Variants in NEK10 observed in about 807,000 individuals in gnomAD.
NEK10 encodes NIMA related kinase 10.
NEK10 carries 122 observed loss-of-function variants against 159.8 expected under a neutral mutation model. The observed-to-expected ratio is 0.76, with a 90% CI of 0.66 to 0.89. NEK10 has a LOEUF of 0.89. NEK10 is among the 40% of genes least tolerant of loss of function. The pLI, the probability that NEK10 is intolerant of heterozygous loss-of-function variation, is 0.00. For synonymous variants in NEK10, 466 were observed against 457.1 expected (o/e 1.02, Z -0.25); for missense variants, 1,342 against 1,323.1 (o/e 1.01, Z -0.22).
At chr3:27,188,545 C>G (rs760146068) in intron 26 of NEK10, among the ~76,000 whole-genome samples, 11 of 152,176 alleles carry the variant, frequency 7.2e-5, no homozygotes, top group Non-Finnish European at 1.3e-4. Context: ...AAGAAATCAT[C>G]ATTCAGCCTT....
chr3:27,338,260 C>T lies in NEK10; in HGVS notation c.362+6012G>A, dbSNP rs186772648. Among the ~76,000 whole-genome samples the T allele has an allele frequency of 3.0e-3, 462 of 152,314 alleles. 2 individuals carry two copies. The highest frequency in any genetic ancestry group is 0.011 in the African/African-American group (453 of 41,564). ...GCTTCATCCACGTCCCTGCAAAGGA[C>T]ATGAACTCATCATTTTTATGGCTGC... On this transcript the variant is annotated intron_variant, in intron 5 of 35. Transcript: ENST00000691995.
intron 23 of NEK10, among the ~76,000 whole-genome samples, chr3:27,208,722 C>G (rs1950745803): frequency 6.6e-6 from 1 of 152,146 alleles, no homozygotes. Context: ...GAAGAAATGA[C>G]ATCAATTTGG....
chr3:27,224,031 G>A (rs545442229), intron 23 of NEK10, among the ~76,000 whole-genome samples: 1 of 152,300 alleles, frequency 6.6e-6, no homozygotes, highest in Non-Finnish European at 1.5e-5. Flanking sequence ...TCTTTGCAGA[G>A]GTAATCAAGT....
chr3:27,112,052 G>A (rs1157439239), intron 35 of NEK10, among the ~76,000 whole-genome samples: 1 of 152,152 alleles, frequency 6.6e-6, no homozygotes, highest in Non-Finnish European at 1.5e-5. Context: ...GCCCAGAAAT[G>A]AGAAATACCC....
At chr3:27,316,895 G>C (rs1193768590) in intron 6 of NEK10, among the ~76,000 whole-genome samples, 1 of 152,172 alleles carries the variant, frequency 6.6e-6, no homozygotes, top group East Asian at 1.9e-4. Context: ...CTCTATCTCA[G>C]GACTCTTTGG....
intron 22 of NEK10, among the ~76,000 whole-genome samples, chr3:27,278,272 C>T (rs1226471209): frequency 1.3e-5 from 2 of 152,190 alleles, no homozygotes; most frequent in African/African-American, 2.4e-5. Context: ...TAGCCTTCAT[C>T]ACTCTGTAAC....
At chr3:27,297,649 A>G (rs1319134192) in intron 13 of NEK10, among the ~76,000 whole-genome samples, 1 of 152,222 alleles carries the variant, frequency 6.6e-6, no homozygotes, top group African/African-American at 2.4e-5. Flanking sequence ...AATCCTTATA[A>G]TAAGAGTATG....
At chr3:27,276,018 T>C (rs901732474) in intron 22 of NEK10, among the ~76,000 whole-genome samples, 1 of 152,100 alleles carries the variant, frequency 6.6e-6, no homozygotes, top group African/African-American at 2.4e-5. Context: ...AAGCACTCTT[T>C]CTAGACAATC....
At chr3:27,310,714 T>C in intron 9 of NEK10, 1 of 389,814 alleles carries the variant, frequency 2.6e-6, no homozygotes, top group East Asian at 3.9e-5. Context: ...TGGTATTAAA[T>C]GGCATAGGAA....
At chr3:27,255,237 T>C (rs751216888) in intron 23 of NEK10, 24 of 399,710 alleles carry the variant, frequency 6.0e-5, no homozygotes, top group Non-Finnish European at 1.2e-4. Flanking sequence ...GTAGACATCA[T>C]ATAAGCTTGC....
chr3:27,365,940 G>C (rs1046088301), intron 1 of NEK10, among the ~76,000 whole-genome samples: 1 of 151,988 alleles, frequency 6.6e-6, no homozygotes, highest in Non-Finnish European at 1.5e-5. Context: ...ATATACATGA[G>C]TTTGTTTAAA....
intron 22 of NEK10, among the ~76,000 whole-genome samples, chr3:27,281,557 C>T (rs1018132986): frequency 2.0e-5 from 3 of 151,880 alleles, no homozygotes; most frequent in African/African-American, 7.3e-5. Flanking sequence ...AGAATACATA[C>T]ACCAAGCCAA....
intron 26 of NEK10, among the ~76,000 whole-genome samples, chr3:27,189,328 A>G (rs1249551069): frequency 6.6e-6 from 1 of 152,128 alleles, no homozygotes; most frequent in Non-Finnish European, 1.5e-5. Flanking sequence ...ATACTTCCCC[A>G]TGAAATAGAA....
chr3:27,110,575 G>A lies in NEK10; in HGVS notation c.*697C>T, dbSNP rs1447266420. 1.3e-5 allele frequency: 2 copies of A among 151,950 alleles called. No homozygotes were observed. The highest frequency in any genetic ancestry group is 2.9e-5 in the Non-Finnish European group (2 of 68,020). 9.4% of individuals were successfully genotyped at this position (151,950 alleles called of 1,614,324 possible). A position where few individuals can be genotyped will look rare whatever the true frequency, so the allele number is the denominator to read the frequency against. On this transcript the variant is annotated 3_prime_UTR_variant, in exon 36 of 36. Transcript: ENST00000691995. The stretch of plus-strand genomic sequence containing the variant: ...TCATATATAAACATATACACACACT[G>A]TACAGCAATATATTCTATTAGTCTA...
chr3:27,307,988 G>T, intron 10 of NEK10, 43 bp from the exon 11 acceptor site: 1 of 959,456 alleles, frequency 1.0e-6, no homozygotes, highest in African/African-American at 1.6e-5. Flanking sequence ...AGCATATTTT[G>T]CTAGATCCAT....
intron 32 of NEK10, among the ~76,000 whole-genome samples, chr3:27,128,229 G>A (rs561146800): frequency 6.6e-6 from 1 of 152,156 alleles, no homozygotes. Flanking sequence ...ACAGGCATCA[G>A]AAATGATTGG....
chr3:27,344,279 T>C lies in NEK10; in HGVS notation c.355A>G (p.Ile119Val). The C allele has an allele frequency of 6.5e-7, 1 of 1,545,690 alleles. No individual in the cohort carries two copies. The change falls in exon 5 of 36, where the codon ATA (isoleucine) becomes GTA (valine). Residue 119 changes from isoleucine (I) to valine (V), a missense_variant. Coordinates refer to ENST00000691995, the MANE Select transcript of NEK10 (RefSeq NM_001394966.1). ...TTCCAGGAACAATCTTACCTGCTTA[T>C]GAGTCTATTTTTCACCAAGGCGGTA... ...IFTALVKNRL[I>V]SREWVNRAPS...
At chr3:27,304,335 C>T (rs1258541984) in intron 12 of NEK10, among the ~76,000 whole-genome samples, 3 of 152,102 alleles carry the variant, frequency 2.0e-5, no homozygotes, top group Non-Finnish European at 4.4e-5. Flanking sequence ...TATGTGCACA[C>T]ACAAACATTT....
Position 27,346,205 on chromosome 3 carries a change from A to C in NEK10, c.144T>G (p.Ile48Met). Residue 48 changes from isoleucine to methionine, a missense_variant, in exon 4 of 36, where the codon ATT becomes ATG. Physicochemically the swap from Ile to Met is conservative, Grantham distance 10. Transcript: ENST00000691995. ...TGCTATTTTGGGCACTATCGAAGTTAATGGCTGGAAGCTACAGAAATAGAA... is the reference window on the plus strand; with the variant it reads ...TGCTATTTTGGGCACTATCGAAGTTCATGGCTGGAAGCTACAGAAATAGAA... ...VQSSKQQLPA[I>M]NFDSAQNSMT... 1.2e-6 allele frequency: 2 copies of C among 1,613,728 alleles called. No individual in the cohort carries two copies. The highest frequency in any genetic ancestry group is 1.7e-6 in the Non-Finnish European group (2 of 1,179,680).
Sources: gnomAD v4.1 joint callset for allele counts (sites outside exome capture counted in the v4.1 genomes callset) on GRCh38, gnomAD v4.1.1 for gene constraint, MANE v1.5 for transcripts, NCBI Gene and HGNC (gene_info 2026-07-23, HGNC 2026-07-21) for gene names.